The following DPY19L2 variants were observed in gnomAD, a reference collection of about 807,000 sequenced individuals.
DPY19L2 encodes the protein probable C-mannosyltransferase DPY19L2.
Under a neutral mutation model 97.9 loss-of-function variants are expected in DPY19L2, and 34 were observed. The observed-to-expected ratio is 0.35, with a 90% confidence interval of 0.26 to 0.46. DPY19L2 has a LOEUF of 0.46. Ranked by LOEUF, DPY19L2 falls within the 20% of genes least tolerant of loss-of-function variation. The pLI is 1.00. For missense variants in DPY19L2, 623 were observed against 911.4 expected (o/e 0.68, Z 4.07); for synonymous variants, 230 against 307.9 (o/e 0.75, Z 2.65).
At chr12:63,592,201 T>C (rs1487519839) in intron 16 of DPY19L2, among the ~76,000 whole-genome samples, 1 of 150,590 alleles carries the variant, frequency 6.6e-6, no homozygotes, top group Admixed American at 6.6e-5. Flanking sequence ...GAGGGAGGAA[T>C]TCCAAAAATT....
At chr12:63,639,213 T>C (rs1892273941) in intron 6 of DPY19L2, among the ~76,000 whole-genome samples, 1 of 152,130 alleles carries the variant, frequency 6.6e-6, no homozygotes, top group Non-Finnish European at 1.5e-5. Flanking sequence ...TCAAGATGGA[T>C]TAAAAACTTA....
intron 6 of DPY19L2, among the ~76,000 whole-genome samples, chr12:63,628,561 C>A (rs993497688): frequency 6.6e-6 from 1 of 152,144 alleles, no homozygotes. Flanking sequence ...GTAAACAAAG[C>A]AGCCAGGAAG....
intron 13 of DPY19L2, among the ~76,000 whole-genome samples, chr12:63,599,228 T>C (rs1884752916): frequency 6.7e-6 from 1 of 148,626 alleles, no homozygotes; most frequent in Non-Finnish European, 1.5e-5. Context: ...TGGGGGTCAA[T>C]GTGAAGTAAG....
chr12:63,668,026 C>A lies in DPY19L2; in HGVS notation c.337+31G>T, dbSNP rs1896534083. The A allele has an allele frequency of 3.8e-6, 6 of 1,585,240 alleles. No homozygotes were observed. The East Asian group carries it at 1.3e-4, about 36-fold the overall frequency. ...GACTCAAGAAAAGCGCCATGCGGCT[C>A]CCTCCTAGGGCTCTCCTGCCCTCTC... On this transcript the variant is annotated intron_variant, in intron 1 of 21. Transcript: ENST00000324472.
chr12:63,566,174 C>T (rs892627947), intron 21 of DPY19L2, among the ~76,000 whole-genome samples: 1 of 152,052 alleles, frequency 6.6e-6, no homozygotes, highest in Non-Finnish European at 1.5e-5. Flanking sequence ...TCCTCTTTCA[C>T]TTTGAAATTA....
intron 1 of DPY19L2, 25 bp downstream of exon 1, chr12:63,668,032 T>C: frequency 6.2e-7 from 1 of 1,607,494 alleles, no homozygotes; most frequent in Non-Finnish European, 8.5e-7. Flanking sequence ...GGCTCCCTCC[T>C]AGGGCTCTCC....
At position 63,594,141 on chromosome 12, in the gene DPY19L2, T is replaced by C. The variant is rs1414314568; in HGVS notation, c.1534-8A>G. On this transcript the variant is annotated splice_polypyrimidine_tract_variant and splice_region_variant and intron_variant, in intron 15 of 21. Coordinates refer to ENST00000324472, the MANE Select transcript of DPY19L2 (RefSeq NM_173812.5). ...TGAAATATCACGAACAGTCTGTGAA[T>C]AGAATCAAATCAATGAAACTTTTGT... The C allele has an allele frequency of 2.6e-6, 4 of 1,534,478 alleles. No homozygotes were observed. The highest frequency in any genetic ancestry group is 3.9e-5 in the Admixed American group (2 of 51,126).
rs1462899575 is a variant in DPY19L2 at position 63,560,660 on chromosome 12, G to A, written c.2129C>T (p.Pro710Leu). ...CCAGATTTCAAGCATACTGCAACCA[G>A]GCCTGAAAAAAGACAGACATATATA... ...EEAWCVVRTK[P>L]GCSMLEIWDV... The change falls in exon 22 of 22, where the codon CCT (proline) becomes CTT (leucine). Residue 710 changes from proline to leucine, a missense_variant and splice_region_variant. Coordinates refer to ENST00000324472, the MANE Select transcript of DPY19L2 (RefSeq NM_173812.5). 54 of 1,613,580 alleles carry A rather than the reference G, an allele frequency of 3.3e-5. 1 individual carries two copies. The highest frequency in any genetic ancestry group is 4.5e-5 in the Non-Finnish European group (53 of 1,179,822).
upstream of DPY19L2, chr12:63,668,516 C>G: frequency 9.7e-7 from 1 of 1,028,192 alleles, no homozygotes; most frequent in East Asian, 2.6e-5. Context: ...CGTTGCGGAC[C>G]TCCCGGTCGT....
At chr12:63,614,177 C>T (rs1342551576) in intron 11 of DPY19L2, among the ~76,000 whole-genome samples, 4 of 128,698 alleles carry the variant, frequency 3.1e-5, no homozygotes, top group South Asian at 2.5e-4. Flanking sequence ...GCAACAAGAG[C>T]GAAACTCCGT....
intron 21 of DPY19L2, among the ~76,000 whole-genome samples, chr12:63,563,220 T>C (rs1876983602): frequency 6.6e-6 from 1 of 152,166 alleles, no homozygotes; most frequent in Non-Finnish European, 1.5e-5. Flanking sequence ...CTGTGGTTTA[T>C]CTTTTAATTC....
intron 21 of DPY19L2, among the ~76,000 whole-genome samples, chr12:63,562,791 T>A (rs1876840839): frequency 7.2e-6 from 1 of 139,724 alleles, no homozygotes; most frequent in Admixed American, 7.5e-5. Context: ...CCATCTGTCC[T>A]TTTGTCCTTT....
At chr12:63,663,728 AAATT>A (rs1293510179) in intron 3 of DPY19L2, 26 bp downstream of exon 3, 1 of 1,568,870 alleles carries the variant, frequency 6.4e-7, no homozygotes, top group South Asian at 1.2e-5. Flanking sequence ...CTTAAACCAC[AAATT>A]AATTCATTAG....
chr12:63,658,260 C>T (rs757066470), intron 4 of DPY19L2, among the ~76,000 whole-genome samples: 7 of 152,002 alleles, frequency 4.6e-5, no homozygotes, highest in East Asian at 1.9e-4. Flanking sequence ...TTTGGGAGGC[C>T]GAGGCAGGAG....
intron 16 of DPY19L2, among the ~76,000 whole-genome samples, chr12:63,592,240 T>C (rs1336320825): frequency 6.6e-6 from 1 of 151,434 alleles, no homozygotes; most frequent in Non-Finnish European, 1.5e-5. Flanking sequence ...TTCAATGCCA[T>C]CCCCATCAAG....
intron 11 of DPY19L2, among the ~76,000 whole-genome samples, chr12:63,612,218 T>G (rs1209419931): frequency 6.6e-6 from 1 of 151,912 alleles, no homozygotes; most frequent in Admixed American, 6.6e-5. Context: ...AATAAAGACT[T>G]CATGACCAGG....
chr12:63,634,919 C>A (rs1346985415), intron 6 of DPY19L2, among the ~76,000 whole-genome samples: 1 of 152,202 alleles, frequency 6.6e-6, no homozygotes, highest in Non-Finnish European at 1.5e-5. Flanking sequence ...TGTCTGACAG[C>A]TTTGAAGAGA....
intron 21 of DPY19L2, among the ~76,000 whole-genome samples, chr12:63,564,088 G>T (rs1426713049): frequency 6.6e-6 from 1 of 152,068 alleles, no homozygotes; most frequent in Non-Finnish European, 1.5e-5. Flanking sequence ...ATCCTGTAGT[G>T]ATAAAATCTT....
chr12:63,625,853 C>G (rs941553253), intron 7 of DPY19L2, among the ~76,000 whole-genome samples: 15 of 151,352 alleles, frequency 9.9e-5, no homozygotes, highest in African/African-American at 3.6e-4. Flanking sequence ...TGTGTTAATA[C>G]TATATTGTAT....
Sources: allele counts gnomAD v4.1 joint callset (sites outside exome capture counted in the v4.1 genomes callset), GRCh38; gene constraint gnomAD v4.1.1; transcripts MANE v1.5; gene names NCBI Gene and HGNC (gene_info 2026-07-23, HGNC 2026-07-21).